Variants in NRG1 observed in about 807,000 individuals in gnomAD.
The protein encoded by NRG1 is neuregulin 1.
NRG1 carries 18 observed loss-of-function variants against 63.8 expected under a neutral mutation model. The ratio of observed to expected loss-of-function variants is 0.28; its 90% CI spans 0.19 to 0.42. NRG1 has a LOEUF of 0.42. Ranked by LOEUF, NRG1 falls within the 10% of genes least tolerant of loss-of-function variation. The probability of loss-of-function intolerance (pLI) is 1.00; values close to 1 mark genes in which losing one functional copy is unlikely to be tolerated. For synonymous variants in NRG1, 302 were observed against 301.3 expected, an observed-to-expected ratio of 1.00 and a Z score of -0.02; for missense variants, 762 against 814.7, an observed-to-expected ratio of 0.94 and a Z score of 0.79.
chr8:32,750,123 C>T (rs1484334341), intron 7 of NRG1, among the ~76,000 whole-genome samples: 2 of 152,138 alleles, frequency 1.3e-5, no homozygotes, highest in African/African-American at 2.4e-5. Context: ...TTGAATTACT[C>T]AGATTTTCTG....
chr8:32,394,893 T>C (rs1171899431), intron 1 of NRG1, among the ~76,000 whole-genome samples: 1 of 152,140 alleles, frequency 6.6e-6, no homozygotes, highest in East Asian at 1.9e-4. Context: ...TATAGGTAAG[T>C]CCTCATGTGG....
rs1352943673 is a variant in NRG1 at position 31,917,075 on chromosome 8, A to G, written c.37+277644A>G. ...TTGTTTGTTTTTTTCTTGTAAATTT[A>G]TTTGAGTTCATTGTAGATTCTGGAT... On this transcript the variant is annotated intron_variant, in intron 1 of 10. Coordinates refer to the NRG1 transcript ENST00000519301. Among the ~76,000 whole-genome samples, 380 of 146,472 alleles carry G rather than the reference A, an allele frequency of 2.6e-3. 2 individuals are homozygous for G. The highest frequency in any genetic ancestry group is 3.4e-3 in the Middle Eastern group (1 of 294).
At chr8:32,642,183 T>G (rs1394291620) in intron 5 of NRG1, among the ~76,000 whole-genome samples, 1 of 152,190 alleles carries the variant, frequency 6.6e-6, no homozygotes, top group African/African-American at 2.4e-5. Flanking sequence ...TAGTTGGCTA[T>G]GAATAAAGCC....
intron 1 of NRG1, among the ~76,000 whole-genome samples, chr8:31,916,699 T>C (rs1353916843): frequency 6.6e-6 from 1 of 152,306 alleles, no homozygotes; most frequent in Admixed American, 6.5e-5. Context: ...GCATGATTTA[T>C]AATCCTTTGG....
chr8:32,291,289 T>C (rs1042060587), intron 1 of NRG1, among the ~76,000 whole-genome samples: 2 of 152,180 alleles, frequency 1.3e-5, no homozygotes, highest in African/African-American at 4.8e-5. Context: ...TGACCAAATG[T>C]TGGGTCTCCT....
At chr8:31,966,665 AT>A (rs1403955723) in intron 1 of NRG1, among the ~76,000 whole-genome samples, 1 of 152,208 alleles carries the variant, frequency 6.6e-6, no homozygotes, top group Non-Finnish European at 1.5e-5. Context: ...CCCTCAGCCA[AT>A]TCCAAACTGC....
intron 1 of NRG1, among the ~76,000 whole-genome samples, chr8:32,315,402 A>G (rs541582408): frequency 6.6e-6 from 1 of 152,330 alleles, no homozygotes; most frequent in African/African-American, 2.4e-5. Flanking sequence ...CATGCAAAGC[A>G]CTGGATATCA....
chr8:32,303,090 G>A (rs1029485232), intron 1 of NRG1, among the ~76,000 whole-genome samples: 46 of 147,406 alleles, frequency 3.1e-4, no homozygotes, highest in African/African-American at 1.1e-3. Flanking sequence ...GCTGAGGCAG[G>A]AGAATCACTT....
At chr8:31,966,949 G>A (rs1437934851) in intron 1 of NRG1, among the ~76,000 whole-genome samples, 2 of 152,044 alleles carry the variant, frequency 1.3e-5, no homozygotes, top group African/African-American at 2.4e-5. Flanking sequence ...TAACTCAAAT[G>A]CATTTTTACT....
chr8:31,898,184 A>G (rs1831755518), intron 1 of NRG1, among the ~76,000 whole-genome samples: 1 of 152,170 alleles, frequency 6.6e-6, no homozygotes, highest in Admixed American at 6.5e-5. Flanking sequence ...TTGTAACCCA[A>G]CCATGTAAGG....
chr8:31,702,377 C>A (rs569971032), intron 1 of NRG1, among the ~76,000 whole-genome samples: 1 of 152,160 alleles, frequency 6.6e-6, no homozygotes, highest in African/African-American at 2.4e-5. Context: ...AGCTAGACAC[C>A]TTTATGTGGC....
At chr8:32,535,048 TG>T (rs965859671) in intron 1 of NRG1, among the ~76,000 whole-genome samples, 31 of 152,340 alleles carry the variant, frequency 2.0e-4, no homozygotes, top group African/African-American at 7.2e-4. Flanking sequence ...CATAATCATA[TG>T]GTAAATATTG....
intron 1 of NRG1, among the ~76,000 whole-genome samples, chr8:32,450,559 G>A (rs754771781): frequency 4.5e-4 from 69 of 152,090 alleles, no homozygotes; most frequent in Non-Finnish European, 7.6e-4. Flanking sequence ...TGGACTACAG[G>A]TACATGTCAC....
intron 1 of NRG1, among the ~76,000 whole-genome samples, chr8:31,948,589 T>C (rs966766986): frequency 6.6e-6 from 1 of 152,312 alleles, no homozygotes; most frequent in East Asian, 1.9e-4. Context: ...ATCTAAGCCA[T>C]AGAGAGCTAA....
chr8:31,804,519 G>A (rs1822091641), intron 1 of NRG1, among the ~76,000 whole-genome samples: 1 of 152,178 alleles, frequency 6.6e-6, no homozygotes, highest in African/African-American at 2.4e-5. Context: ...GGGAGACCCA[G>A]GAACACAGAA....
chr8:32,162,359 G>A (rs190320545), intron 1 of NRG1, among the ~76,000 whole-genome samples: 51 of 152,222 alleles, frequency 3.4e-4, no homozygotes, highest in Admixed American at 9.2e-4. Context: ...GAAAGCATGC[G>A]TACATTTTTC....
chr8:32,458,795 T>A (rs963187650), intron 1 of NRG1, among the ~76,000 whole-genome samples: 1 of 152,232 alleles, frequency 6.6e-6, no homozygotes, highest in Admixed American at 6.5e-5. Flanking sequence ...AATTTGTGTT[T>A]GCTTATTTGT....
intron 1 of NRG1, among the ~76,000 whole-genome samples, chr8:32,326,128 G>A (rs1349942944): frequency 2.0e-5 from 3 of 151,546 alleles, no homozygotes; most frequent in Non-Finnish European, 2.9e-5. Flanking sequence ...TCCTGCCTCA[G>A]CCTCCTGAGT....
At chr8:32,669,977 T>C (rs1427361367) in intron 5 of NRG1, among the ~76,000 whole-genome samples, 2 of 152,208 alleles carry the variant, frequency 1.3e-5, no homozygotes, top group Non-Finnish European at 2.9e-5. Context: ...CAAACTGATG[T>C]CTAGATGAAC....
Sources: allele counts gnomAD v4.1 joint callset (sites outside exome capture counted in the v4.1 genomes callset), GRCh38; gene constraint gnomAD v4.1.1; transcripts MANE v1.5; gene names NCBI Gene and HGNC (gene_info 2026-07-23, HGNC 2026-07-21).